Variants in HYCC1 observed in about 807,000 individuals in gnomAD.
HYCC1 encodes hyccin.
chr7:22,986,566 C>T, the HYCC1 span, among the ~76,000 whole-genome samples: 659 of 152,236 alleles, frequency 4.3e-3, 1 homozygote, highest in Non-Finnish European at 7.5e-3. Flanking sequence ...CAAAATTTGA[C>T]GCTGGGCGCG....
the HYCC1 span, among the ~76,000 whole-genome samples, chr7:22,932,182 C>T: frequency 5.3e-5 from 8 of 152,270 alleles, 1 homozygote; most frequent in African/African-American, 1.9e-4. Context: ...GCAAGACTCC[C>T]TTGTCTAATG....
the HYCC1 span, among the ~76,000 whole-genome samples, chr7:23,010,626 A>T: frequency 1.3e-5 from 2 of 152,196 alleles, no homozygotes; most frequent in African/African-American, 4.8e-5. Context: ...CAAATTGTAC[A>T]CTTTAAATAT....
At chr7:22,925,879 G>C in the HYCC1 span, among the ~76,000 whole-genome samples, 2 of 152,108 alleles carry the variant, frequency 1.3e-5, no homozygotes, top group Non-Finnish European at 1.5e-5. Flanking sequence ...ACACATAATT[G>C]TCAGATTCAC....
chr7:22,979,045 ATTCACAAGGTACTG>A, the HYCC1 span, among the ~76,000 whole-genome samples: 1 of 152,166 alleles, frequency 6.6e-6, no homozygotes, highest in African/African-American at 2.4e-5. Context: ...ATGTTAAGAG[ATTCACAAGGTACTG>A]TTCACAAGGT....
the HYCC1 span, chr7:22,976,600 C>G: frequency 1.2e-6 from 1 of 809,652 alleles, no homozygotes. Flanking sequence ...AATTGTCACA[C>G]ACAACTCATT....
At chr7:22,997,447 G>A in the HYCC1 span, among the ~76,000 whole-genome samples, 23 of 152,088 alleles carry the variant, frequency 1.5e-4, no homozygotes, top group Non-Finnish European at 2.9e-4. Context: ...GACACATCAC[G>A]AAATTTTAAA....
the HYCC1 span, among the ~76,000 whole-genome samples, chr7:22,957,209 C>T: frequency 6.6e-6 from 1 of 151,158 alleles, no homozygotes; most frequent in Admixed American, 6.6e-5. Context: ...TATTTGTCGG[C>T]TGTGTAATAA....
At chr7:23,002,961 C>G in the HYCC1 span, among the ~76,000 whole-genome samples, 1 of 152,102 alleles carries the variant, frequency 6.6e-6, no homozygotes, top group Non-Finnish European at 1.5e-5. Context: ...TCACATTGTC[C>G]TCCTTCTATA....
At chr7:22,939,119 C>G in the HYCC1 span, 1 of 152,110 alleles carries the variant, frequency 6.6e-6, no homozygotes, top group African/African-American at 2.4e-5. Flanking sequence ...ACTATATGTA[C>G]GTACCATAAT....
the HYCC1 span, among the ~76,000 whole-genome samples, chr7:22,991,662 T>G: frequency 8.5e-5 from 13 of 152,132 alleles, no homozygotes; most frequent in Non-Finnish European, 1.9e-4. Flanking sequence ...TGACCATATT[T>G]GACAACAGTG....
the HYCC1 span, among the ~76,000 whole-genome samples, chr7:22,912,191 C>T: frequency 1.5e-3 from 226 of 152,182 alleles, no homozygotes; most frequent in African/African-American, 5.3e-3. Flanking sequence ...AATGAAGAAA[C>T]ATTTATTAAA....
At chr7:22,977,218 G>T in the HYCC1 span, 2 of 700,400 alleles carry the variant, frequency 2.9e-6, no homozygotes, top group Non-Finnish European at 5.3e-6. Context: ...ATACTTTGTG[G>T]GTGTTTATAC....
chr7:22,923,928 A>C, the HYCC1 span, among the ~76,000 whole-genome samples: 1 of 149,564 alleles, frequency 6.7e-6, no homozygotes, highest in Admixed American at 6.7e-5. Context: ...AAGCCCAGGC[A>C]GGCAGATCAC....
At chr7:22,918,992 CA>C in the HYCC1 span, among the ~76,000 whole-genome samples, 1 of 152,086 alleles carries the variant, frequency 6.6e-6, no homozygotes, top group Non-Finnish European at 1.5e-5. Flanking sequence ...AAGCCAATAA[CA>C]AAAACAAGTC....
the HYCC1 span, among the ~76,000 whole-genome samples, chr7:22,913,571 C>G: frequency 6.6e-6 from 1 of 152,196 alleles, no homozygotes; most frequent in Non-Finnish European, 1.5e-5. Context: ...TAACTGATGA[C>G]ATTACCTTGT....
chr7:23,011,847 C>CA, the HYCC1 span, among the ~76,000 whole-genome samples: 1 of 152,178 alleles, frequency 6.6e-6, no homozygotes, highest in Non-Finnish European at 1.5e-5. Flanking sequence ...CTGCACTTGG[C>CA]AAAATCATAT....
chr7:23,012,535 T>C, the HYCC1 span, among the ~76,000 whole-genome samples: 966 of 152,298 alleles, frequency 6.3e-3, 9 homozygotes, highest in African/African-American at 0.017. Flanking sequence ...CCCTTGCCAC[T>C]TGGTTTGATT....
At chr7:22,932,369 G>T in the HYCC1 span, among the ~76,000 whole-genome samples, 1 of 152,154 alleles carries the variant, frequency 6.6e-6, no homozygotes, top group African/African-American at 2.4e-5. Context: ...CAGCCCAGAA[G>T]ATGGAGCACC....
At chr7:22,977,807 T>C in the HYCC1 span, among the ~76,000 whole-genome samples, 1 of 152,208 alleles carries the variant, frequency 6.6e-6, no homozygotes, top group Non-Finnish European at 1.5e-5. Context: ...TAGAATACCA[T>C]ACGAATTAAC....
Sources: gnomAD v4.1 joint callset for allele counts (sites outside exome capture counted in the v4.1 genomes callset) on GRCh38, gnomAD v4.1.1 for gene constraint, MANE v1.5 for transcripts, NCBI Gene and HGNC (gene_info 2026-07-23, HGNC 2026-07-21) for gene names.